The following GMPS variants were observed in gnomAD, a reference collection of about 807,000 sequenced individuals.
The protein encoded by GMPS is guanosine monophosphate synthase.
In GMPS, 15 loss-of-function variants were observed where a neutral mutation model predicts 77.9. That is an observed-to-expected ratio of 0.19 (90% CI 0.13 to 0.30). The LOEUF (loss-of-function observed/expected upper bound fraction) is 0.30, where lower values mean the gene tolerates loss of function less well. GMPS is among the 10% of genes least tolerant of loss of function. The pLI is 1.00. For synonymous variants in GMPS, 224 were observed against 275.9 expected, an observed-to-expected ratio of 0.81 and a Z score of 1.86; for missense variants, 590 against 838.8, an observed-to-expected ratio of 0.70 and a Z score of 3.66.
chr3:155,901,939 C>T (rs1267323169), intron 3 of GMPS, among the ~76,000 whole-genome samples: 1 of 152,144 alleles, frequency 6.6e-6, no homozygotes, highest in Non-Finnish European at 1.5e-5. Context: ...TCTTTATATA[C>T]TCCCACAAGA....
intron 10 of GMPS, among the ~76,000 whole-genome samples, chr3:155,921,627 A>G (rs556984666): frequency 1.3e-5 from 2 of 152,156 alleles, no homozygotes; most frequent in South Asian, 4.2e-4. Context: ...TGAAACCCCT[A>G]TCTTTACTGA....
chr3:155,870,240 C>T (rs569728733), upstream of GMPS, among the ~76,000 whole-genome samples: 7 of 152,368 alleles, frequency 4.6e-5, no homozygotes, highest in Non-Finnish European at 7.4e-5. Context: ...CTAAGAGTTC[C>T]GCCAGGGGCC....
At chr3:155,932,473 C>G (rs79707966) in intron 13 of GMPS, among the ~76,000 whole-genome samples, 3 of 152,212 alleles carry the variant, frequency 2.0e-5, no homozygotes, top group African/African-American at 7.2e-5. Flanking sequence ...AGATTAATTT[C>G]CCTTTAATTT....
chr3:155,913,013 G>A (rs1171987821), intron 7 of GMPS, among the ~76,000 whole-genome samples: 2 of 152,186 alleles, frequency 1.3e-5, no homozygotes, highest in Admixed American at 6.5e-5. Context: ...GAGAGGTTCT[G>A]GGCTTGAGCC....
At chr3:155,900,750 T>C (rs1002526638) in intron 3 of GMPS, among the ~76,000 whole-genome samples, 1 of 152,176 alleles carries the variant, frequency 6.6e-6, no homozygotes, top group African/African-American at 2.4e-5. Flanking sequence ...TGAACTTTTG[T>C]AGTAAGATAA....
At chr3:155,889,998 A>T (rs1309059759) in intron 1 of GMPS, among the ~76,000 whole-genome samples, 1 of 152,176 alleles carries the variant, frequency 6.6e-6, no homozygotes, top group East Asian at 1.9e-4. Flanking sequence ...GGTTTTTCTA[A>T]TATCTCGAAT....
In GMPS at chr3:155,875,955, A is replaced by G. The variant is rs184378400; in HGVS notation, c.27+5058A>G. Among the ~76,000 whole-genome samples, 173 of 152,330 alleles carry G rather than the reference A, an allele frequency of 1.1e-3. 1 individual carries two copies. The highest frequency in any genetic ancestry group is 9.7e-3 in the Admixed American group (148 of 15,298). On this transcript the variant is annotated intron_variant, in intron 1 of 15. Transcript: ENST00000496455. The stretch of plus-strand genomic sequence containing the variant: ...GAATAAGATCTCTAAACTGGGGCAC[A>G]TGAGCATAAAAAAAGAAGGTGTGGA...
At chr3:155,880,039 T>C (rs557755136) in intron 1 of GMPS, among the ~76,000 whole-genome samples, 3 of 152,286 alleles carry the variant, frequency 2.0e-5, no homozygotes, top group African/African-American at 7.2e-5. Flanking sequence ...TTTTACACTT[T>C]CTTAATGGTG....
At chr3:155,887,487 G>A (rs1042717780) in intron 1 of GMPS, among the ~76,000 whole-genome samples, 6 of 152,130 alleles carry the variant, frequency 3.9e-5, no homozygotes, top group Non-Finnish European at 5.9e-5. Flanking sequence ...CAAAAAGCTG[G>A]TCTGATCTTT....
At position 155,936,466 on chromosome 3, in the gene GMPS, A is replaced by G. The variant is rs1755767932; in HGVS notation, c.1936A>G (p.Met646Val). 2 of 1,606,886 alleles carry G rather than the reference A, an allele frequency of 1.2e-6. No individual in the cohort carries two copies. Among genetic ancestry groups the G allele is most frequent in the African/African-American group, 1.3e-5 (1 of 74,762 alleles). Reference protein sequence around the residue: ...VIRTFITSDFMTGIPATPGNE... With the variant: ...VIRTFITSDFVTGIPATPGNE... ...TCGAACCTTTATTACTAGTGACTTC[A>G]TGACTGGTATACCTGCAACACCTGG... Residue 646 changes from methionine (M) to valine (V), a missense_variant, in exon 15 of 16, where the codon ATG becomes GTG. Physicochemically the swap from Met to Val is conservative, Grantham distance 21. Around this residue, in one of 6 missense-constraint regions of GMPS, gnomAD observed 73 missense variants for 170.5 expected, o/e 0.43. Coordinates refer to ENST00000496455, the MANE Select transcript of GMPS (RefSeq NM_003875.3).
intron 1 of GMPS, among the ~76,000 whole-genome samples, chr3:155,878,087 T>C (rs1393428540): frequency 2.0e-5 from 3 of 152,146 alleles, no homozygotes; most frequent in Admixed American, 2.0e-4. Context: ...AGGGCCTCTT[T>C]TATAAGGGTA....
chr3:155,897,781 G>C (rs1476062545), intron 2 of GMPS, 146 bp from the exon 3 acceptor site: 6 of 628,414 alleles, frequency 9.5e-6, no homozygotes, highest in Non-Finnish European at 1.7e-5. Context: ...AATTCGCTGT[G>C]ATATAATTAG....
chr3:155,927,817 G>A (rs1030657223), intron 12 of GMPS, among the ~76,000 whole-genome samples: 1 of 152,042 alleles, frequency 6.6e-6, no homozygotes, highest in African/African-American at 2.4e-5. Context: ...TCTTTTAACT[G>A]AACATCATGA....
At chr3:155,926,525 A>G (rs1042515095) in intron 12 of GMPS, among the ~76,000 whole-genome samples, 11 of 152,140 alleles carry the variant, frequency 7.2e-5, no homozygotes, top group African/African-American at 2.4e-4. Context: ...GAATATACAT[A>G]TGTAACTAAC....
In GMPS at chr3:155,941,912, A is replaced by G. The variant is rs927054390; in HGVS notation, c.*4220A>G. ...AAAGAGTGTCAAGATGCTAACTTCC[A>G]ACCCTATTTTTATGTACTGAAGAGG... On this transcript the variant is annotated 3_prime_UTR_variant, in exon 16 of 16. Transcript: ENST00000496455. 3 of 211,566 alleles carry G rather than the reference A, an allele frequency of 1.4e-5. No homozygotes were observed. The highest frequency in any genetic ancestry group is 6.8e-5 in the African/African-American group (3 of 44,094). The allele number at this position is 211,566 out of a possible 1,614,324, so 13.1% of individuals were successfully genotyped here. A position where few individuals can be genotyped will look rare whatever the true frequency, so the allele number is the denominator to read the frequency against.
At chr3:155,895,715 G>C (rs995032402) in intron 2 of GMPS, among the ~76,000 whole-genome samples, 3 of 152,198 alleles carry the variant, frequency 2.0e-5, no homozygotes, top group African/African-American at 7.2e-5. Flanking sequence ...AGAATAGCAG[G>C]ATAGAAATGG....
chr3:155,892,171 A>G (rs959066679), intron 1 of GMPS, among the ~76,000 whole-genome samples: 2 of 152,170 alleles, frequency 1.3e-5, no homozygotes, highest in Admixed American at 6.5e-5. Context: ...TAGATGAACT[A>G]CTTCATCACT....
At chr3:155,871,477 C>T (rs1753903732) in intron 1 of GMPS, among the ~76,000 whole-genome samples, 1 of 152,340 alleles carries the variant, frequency 6.6e-6, no homozygotes, top group Middle Eastern at 3.4e-3. Context: ...GCGGTTAGGC[C>T]GGTTCTGGAC....
At chr3:155,870,643 C>T, upstream of GMPS, 1 of 473,358 alleles carries the variant, frequency 2.1e-6, no homozygotes, top group Non-Finnish European at 3.8e-6. Flanking sequence ...AAGCAGGAGG[C>T]GGGGGCAGCG....
Sources: allele counts gnomAD v4.1 joint callset (sites outside exome capture counted in the v4.1 genomes callset), GRCh38; gene constraint gnomAD v4.1.1; regional missense constraint gnomAD v4.1.1; transcripts MANE v1.5; gene names NCBI Gene and HGNC (gene_info 2026-07-23, HGNC 2026-07-21).